Variants in CEP128 observed in about 807,000 individuals in gnomAD.
The protein encoded by CEP128 is centrosomal protein 128kDa.
In CEP128, 132 loss-of-function variants were observed where a neutral mutation model predicts 156.7. The observed-to-expected ratio is 0.84, with a 90% CI of 0.73 to 0.97. The LOEUF is 0.97. Among genes scored for constraint, CEP128 ranks in the 50% least tolerant of loss-of-function variants. The pLI, the probability that CEP128 is intolerant of heterozygous loss-of-function variation, is 0.00. For missense variants in CEP128, 1,252 were observed against 1,281.9 expected (o/e 0.98, Z 0.36); for synonymous variants, 469 against 448.9 (o/e 1.04, Z -0.57).
At chr14:80,542,705 C>T (rs1358845200) in intron 21 of CEP128, among the ~76,000 whole-genome samples, 1 of 152,104 alleles carries the variant, frequency 6.6e-6, no homozygotes, top group Non-Finnish European at 1.5e-5. Context: ...CTGAGAAATG[C>T]TAATCATTTC....
chr14:80,555,791 A>G (rs1890407634), intron 21 of CEP128, among the ~76,000 whole-genome samples: 1 of 152,128 alleles, frequency 6.6e-6, no homozygotes, highest in African/African-American at 2.4e-5. Context: ...CATTTTCACA[A>G]TGAACCCAGA....
intron 21 of CEP128, among the ~76,000 whole-genome samples, chr14:80,544,985 T>A: frequency 6.6e-6 from 1 of 152,290 alleles, no homozygotes; most frequent in Middle Eastern, 3.4e-3. Flanking sequence ...CTTAAAAAAA[T>A]TTTAAAACCA....
At chr14:80,814,279 T>A (rs955622105) in intron 13 of CEP128, among the ~76,000 whole-genome samples, 3 of 152,200 alleles carry the variant, frequency 2.0e-5, no homozygotes, top group African/African-American at 7.2e-5. Flanking sequence ...ATTATCTATA[T>A]CTATATTAGA....
chr14:80,497,299 T>A lies in CEP128; in HGVS notation c.*180A>T, dbSNP rs146428384. On this transcript the variant is annotated 3_prime_UTR_variant, in exon 25 of 25. Transcript: ENST00000555265. ...CACATCATTCATGATCTGATATTAT[T>A]TGGATTGGTTTACCATTCACAAGGA... 2 of 538,736 alleles carry A rather than the reference T, an allele frequency of 3.7e-6. No homozygotes were observed. The highest frequency in any genetic ancestry group is 6.5e-6 in the Non-Finnish European group (2 of 307,084). 33.4% of individuals were successfully genotyped at this position (538,736 alleles called of 1,614,324 possible).
At chr14:80,579,305 G>C (rs1190577596) in intron 20 of CEP128, among the ~76,000 whole-genome samples, 1 of 151,432 alleles carries the variant, frequency 6.6e-6, no homozygotes, top group Non-Finnish European at 1.5e-5. Flanking sequence ...ATTCTTCCTA[G>C]CCCCAGACTG....
At chr14:80,789,285 T>TA (rs1345453782) in intron 14 of CEP128, among the ~76,000 whole-genome samples, 2 of 152,156 alleles carry the variant, frequency 1.3e-5, no homozygotes, top group African/African-American at 2.4e-5. Context: ...TATGAATAGT[T>TA]AAAAAAGCTA....
At chr14:80,757,217 GGAGGCT>G (rs1451258314) in intron 17 of CEP128, among the ~76,000 whole-genome samples, 3 of 152,142 alleles carry the variant, frequency 2.0e-5, no homozygotes, top group Non-Finnish European at 4.4e-5. Flanking sequence ...TAGGATATAT[GGAGGCT>G]GATTCTGTGG....
At chr14:80,621,638 C>T (rs997931219) in intron 19 of CEP128, among the ~76,000 whole-genome samples, 20 of 152,212 alleles carry the variant, frequency 1.3e-4, no homozygotes, top group South Asian at 6.2e-4. Flanking sequence ...AAAGGGGGTA[C>T]GGTCTAGATT....
intron 19 of CEP128, among the ~76,000 whole-genome samples, chr14:80,678,208 C>T (rs1409600013): frequency 6.6e-6 from 1 of 151,630 alleles, no homozygotes; most frequent in African/African-American, 2.4e-5. Context: ...TACAGTAGAT[C>T]CAAACTTTCT....
At chr14:80,528,689 A>G (rs1566759305) in intron 22 of CEP128, among the ~76,000 whole-genome samples, 1 of 152,234 alleles carries the variant, frequency 6.6e-6, no homozygotes, top group Non-Finnish European at 1.5e-5. Flanking sequence ...GTCATAGGCT[A>G]TGGTACTATC....
intron 16 of CEP128, among the ~76,000 whole-genome samples, chr14:80,775,996 G>T (rs1465835448): frequency 1.3e-5 from 2 of 152,100 alleles, no homozygotes; most frequent in Admixed American, 6.6e-5. Flanking sequence ...ACCACACCCG[G>T]CTAATTTTTG....
intron 13 of CEP128, among the ~76,000 whole-genome samples, chr14:80,798,515 C>G (rs1883631404): frequency 6.6e-6 from 1 of 152,150 alleles, no homozygotes; most frequent in Non-Finnish European, 1.5e-5. Context: ...TAATTAGGGG[C>G]TAGTCACTTG....
chr14:80,869,306 G>A (rs1420016138), intron 8 of CEP128, among the ~76,000 whole-genome samples: 1 of 151,756 alleles, frequency 6.6e-6, no homozygotes, highest in East Asian at 1.9e-4. Flanking sequence ...AAATGAATAG[G>A]AAAATTCACT....
downstream of CEP128, among the ~76,000 whole-genome samples, chr14:80,495,878 T>C (rs149729677): frequency 4.3e-4 from 66 of 152,332 alleles, 1 homozygote; most frequent in East Asian, 0.011. Context: ...TACTTTGATG[T>C]TGGTCAAACC....
intron 11 of CEP128, among the ~76,000 whole-genome samples, chr14:80,836,833 C>G (rs985276737): frequency 6.6e-6 from 1 of 152,132 alleles, no homozygotes; most frequent in Non-Finnish European, 1.5e-5. Flanking sequence ...ATCTTTCTAT[C>G]CTTAGACTGC....
upstream of CEP128, among the ~76,000 whole-genome samples, chr14:80,946,366 G>GAGGC: frequency 1.4e-5 from 2 of 140,864 alleles, no homozygotes; most frequent in African/African-American, 5.4e-5. Flanking sequence ...GATGCCTCAT[G>GAGGC]ATGCATCATG....
At chr14:80,560,628 G>C (rs1890629222) in intron 20 of CEP128, among the ~76,000 whole-genome samples, 1 of 152,128 alleles carries the variant, frequency 6.6e-6, no homozygotes, top group Admixed American at 6.5e-5. Context: ...GTGGGCTGAG[G>C]AAGGCAGACC....
intron 23 of CEP128, among the ~76,000 whole-genome samples, chr14:80,510,153 T>C (rs977761167): frequency 6.6e-6 from 1 of 152,200 alleles, no homozygotes; most frequent in Non-Finnish European, 1.5e-5. Context: ...TCTATTTCCA[T>C]GAAGAATGTC....
chr14:80,944,659 A>G (rs1886284844), upstream of CEP128, among the ~76,000 whole-genome samples: 2 of 151,714 alleles, frequency 1.3e-5, no homozygotes, highest in Non-Finnish European at 2.9e-5. Context: ...CGTCTCTACT[A>G]AAAATACAAA....
Sources: allele counts gnomAD v4.1 joint callset (sites outside exome capture counted in the v4.1 genomes callset), GRCh38; gene constraint gnomAD v4.1.1; transcripts MANE v1.5; gene names NCBI Gene and HGNC (gene_info 2026-07-23, HGNC 2026-07-21).